The following OR7G3 variants were observed in gnomAD, a reference collection of about 807,000 sequenced individuals.
OR7G3 encodes olfactory receptor 7G3.
For missense variants in OR7G3, 352 were observed against 372.1 expected, an observed-to-expected ratio of 0.95 and a Z score of 0.44; for synonymous variants, 143 against 157.6, an observed-to-expected ratio of 0.91 and a Z score of 0.69.
chr19:9,126,514 A>T lies in OR7G3; in HGVS notation c.437T>A (p.Leu146Gln). Reference protein sequence around the residue: ...MNPKLCGLLLLLSFIVSVLDA... With the variant: ...MNPKLCGLLLQLSFIVSVLDA... Reference sequence around the variant, plus strand: ...CAGGACACTAACGATGAAGGACAGCAGAAGCAGCAGCCCACAGAGTTTGGG... The same window carrying T: ...CAGGACACTAACGATGAAGGACAGCTGAAGCAGCAGCCCACAGAGTTTGGG... The change falls in exon 1 of 1, where the codon CTG (leucine) becomes CAG (glutamine). Residue 146 changes from leucine to glutamine, a missense_variant. By Grantham distance (113) the Leu-to-Gln change is moderately radical. Transcript: ENST00000305444. 1 of 1,614,194 alleles carries T rather than the reference A, an allele frequency of 6.2e-7. No individual in the cohort carries two copies. The highest frequency in any genetic ancestry group is 1.1e-5 in the South Asian group (1 of 91,086).
chr19:9,126,873 G>C lies in OR7G3; in HGVS notation c.78C>G (p.Ile26Met), dbSNP rs760955234. The C allele has an allele frequency of 6.2e-7, 1 of 1,613,476 alleles. No homozygotes were observed. Among genetic ancestry groups the C allele is most frequent in the Non-Finnish European group, 8.5e-7 (1 of 1,179,632 alleles). ...ACATGGACAGGAACAGCATGAAGAG[G>C]ATGGGCTGCAGCTCCGGATCCCCTG... ...GLSGDPELQP[I>M]LFMLFLSMYL... The change falls in exon 1 of 1, where the codon ATC (isoleucine) becomes ATG (methionine). Residue 26 changes from isoleucine (I) to methionine (M), a missense_variant. Physicochemically the swap from Ile to Met is conservative, Grantham distance 10. Coordinates refer to ENST00000305444, the MANE Select transcript of OR7G3 (RefSeq NM_001001958.1).
In OR7G3 at chr19:9,126,560, TC is replaced by T; in HGVS notation, c.390del (p.Arg131GlyfsTer6). 2 of 1,614,100 alleles carry T rather than the reference TC, an allele frequency of 1.2e-6. No individual in the cohort carries two copies. Among genetic ancestry groups the T allele is most frequent in the Non-Finnish European group, 1.7e-6 (2 of 1,180,024 alleles). On this transcript the variant is annotated frameshift_variant, in exon 1 of 1. Coordinates refer to ENST00000305444, the MANE Select transcript of OR7G3 (RefSeq NM_001001958.1). LOFTEE classifies it low-confidence loss of function (END_TRUNC). Reference protein sequence around the residue: ...YDRFVAICHPLRYNVIMNPKL... With the variant: ...YDRFVAICHPXRYNVIMNPKL... ...TTGGGGTTCATGATGACATTGTACC[TC>T]AGTGGGTGACAGATGGCCACAAATC...
chr19:9,126,463 A>G lies in OR7G3; in HGVS notation c.488T>C (p.Val163Ala), dbSNP rs1478234162. ...GTCTATGCAGAAGGTCAGCTGTAGC[A>G]CCATCAACGTGTGCAGCAGAGCATC... ...VLDALLHTLMVLQLTFCIDLE... is the reference protein window; with the variant it reads ...VLDALLHTLMALQLTFCIDLE... The change falls in exon 1 of 1, where the codon GTG becomes GCG. Residue 163 changes from valine to alanine, a missense_variant. By Grantham distance (64) the Val-to-Ala change is moderately conservative. Coordinates refer to ENST00000305444, the MANE Select transcript of OR7G3 (RefSeq NM_001001958.1). The G allele has an allele frequency of 1.2e-6, 2 of 1,614,074 alleles. No homozygotes were observed. Among genetic ancestry groups the G allele is most frequent in the African/African-American group, 2.7e-5 (2 of 74,928 alleles).
In OR7G3 at chr19:9,126,888, C is replaced by T. The variant is rs149090812; in HGVS notation, c.63G>A (p.Pro21=). The T allele has an allele frequency of 5.0e-4, 806 of 1,611,286 alleles. 6 individuals carry two copies. The African/African-American group carries it at 9.5e-3, about 19-fold the overall frequency. ...GCATGAAGAGGATGGGCTGCAGCTCCGGATCCCCTGACAATCCCAAGAGAA... is the reference window on the plus strand; with the variant it reads ...GCATGAAGAGGATGGGCTGCAGCTCTGGATCCCCTGACAATCCCAAGAGAA... ...EFFLLGLSGD[P]ELQPILFMLF... Residue 21 remains proline (P), a synonymous_variant, in exon 1 of 1, where the codon CCG becomes CCA. Transcript: ENST00000305444.
In OR7G3 at chr19:9,126,086, T is replaced by C. The variant is rs1432244175; in HGVS notation, c.865A>G (p.Ile289Val). 2 of 1,613,946 alleles carry C rather than the reference T, an allele frequency of 1.2e-6. No individual in the cohort carries two copies. The highest frequency in any genetic ancestry group is 1.7e-6 in the Non-Finnish European group (2 of 1,179,890). Residue 289 changes from isoleucine to valine, a missense_variant, in exon 1 of 1, where the codon ATT (isoleucine) becomes GTT (valine). Physicochemically the swap from Ile to Val is conservative, Grantham distance 29. Transcript: ENST00000305444. ...ATGTCCTTGTTTCTCAGGCTGTAAA[T>C]GAGTGGGTTCAGCATGGGGGTGACC... is the stretch of plus-strand genomic sequence containing the variant. Reference protein sequence around the residue: ...TVVTPMLNPLIYSLRNKDMLK... With the variant: ...TVVTPMLNPLVYSLRNKDMLK...
chr19:9,126,312 C>A lies in OR7G3; in HGVS notation c.639G>T (p.Gly213=), dbSNP rs754973983. 5.6e-6 allele frequency: 9 copies of A among 1,614,100 alleles called. No homozygotes were observed. Among genetic ancestry groups the A allele is most frequent in the Middle Eastern group, 1.6e-4 (1 of 6,062 alleles). ...TSLLGVVPLS[G]IIFSYTRIVS... is the part of the protein sequence containing the mutation. ...CAATTCGTGTGTAAGAGAAAATGAT[C>A]CCAGAGAGAGGAACAACACCTAACA... The change falls in exon 1 of 1, where the codon GGG becomes GGT. Residue 213 remains glycine, a synonymous_variant. Transcript: ENST00000305444.
rs1395799896 is a variant in OR7G3, at chr19:9,126,488, C to G, written c.463G>C (p.Asp155His). Residue 155 changes from aspartate to histidine, a missense_variant, in exon 1 of 1, where the codon GAT (aspartate) becomes CAT (histidine). Physicochemically the swap from Asp to His is moderately conservative, Grantham distance 81 (BLOSUM62 -1). Coordinates refer to ENST00000305444, the MANE Select transcript of OR7G3 (RefSeq NM_001001958.1). ...ACCATCAACGTGTGCAGCAGAGCAT[C>G]CAGGACACTAACGATGAAGGACAGC... ...LLLSFIVSVL[D>H]ALLHTLMVLQ... 5 of 1,614,072 alleles carry G rather than the reference C, an allele frequency of 3.1e-6. No homozygotes were observed. Among genetic ancestry groups the G allele is most frequent in the Non-Finnish European group, 4.2e-6 (5 of 1,180,020 alleles).
In OR7G3 at chr19:9,126,357, CAGGATGTTATTGATG is replaced by C; in HGVS notation, c.579_593del (p.Ile194_Leu198del). 1 of 1,614,078 alleles carries C rather than the reference CAGGATGTTATTGATG, an allele frequency of 6.2e-7. No individual in the cohort carries two copies. The highest frequency in any genetic ancestry group is 1.1e-5 in the South Asian group (1 of 91,076). On this transcript the variant is annotated inframe_deletion, in exon 1 of 1. Transcript: ENST00000305444. ...CTAACAGGCTGGTCACCAAATACAC[CAGGATGTTATTGATG>C]AGGACATCAGAACAGGCGAGCTTGA...
rs779971052 is a variant in OR7G3, at chr19:9,126,450, G to A, written c.501C>T (p.Thr167=). 1 of 1,614,108 alleles carries A rather than the reference G, an allele frequency of 6.2e-7. No individual in the cohort carries two copies. The highest frequency in any genetic ancestry group is 1.1e-5 in the South Asian group (1 of 91,080). ...LLHTLMVLQL[T]FCIDLEIPHF... ...GGGGAATTTCCAGGTCTATGCAGAAGGTCAGCTGTAGCACCATCAACGTGT... is the reference window on the plus strand; with the variant it reads ...GGGGAATTTCCAGGTCTATGCAGAAAGTCAGCTGTAGCACCATCAACGTGT... Residue 167 remains threonine, a synonymous_variant, in exon 1 of 1, where the codon ACC becomes ACT. Coordinates refer to ENST00000305444, the MANE Select transcript of OR7G3 (RefSeq NM_001001958.1).
Position 9,126,288 on chromosome 19 carries a change from A to G in OR7G3, c.663T>C (p.Ile221=), listed in dbSNP as rs768009947. The G allele has an allele frequency of 1.9e-6, 3 of 1,614,096 alleles. No individual in the cohort carries two copies. Among genetic ancestry groups the G allele is most frequent in the South Asian group, 2.2e-5 (2 of 91,084 alleles). Residue 221 remains isoleucine (I), a synonymous_variant, in exon 1 of 1, where the codon ATT becomes ATC. Transcript: ENST00000305444. ...LSGIIFSYTR[I]VSSVMKIPSA... ...ATGGAATTTTCATGACAGAGGAGAC[A>G]ATTCGTGTGTAAGAGAAAATGATCC...
At position 9,126,132 on chromosome 19, in the gene OR7G3, T is replaced by C. The variant is rs767829142; in HGVS notation, c.819A>G (p.Ile273Met). 7 of 1,614,022 alleles carry C rather than the reference T, an allele frequency of 4.3e-6. No individual in the cohort carries two copies. The East Asian group carries it at 1.3e-4, about 31-fold the overall frequency. ...GATHSSRKGA[I>M]ASVMYTVVTP... ...TGACCACGGTATACATCACTGATGCTATTGCACCCTTCCTGGAGGAGTGGG... is the reference window on the plus strand; with the variant it reads ...TGACCACGGTATACATCACTGATGCCATTGCACCCTTCCTGGAGGAGTGGG... The change falls in exon 1 of 1, where the codon ATA (isoleucine) becomes ATG (methionine). Residue 273 changes from isoleucine to methionine, a missense_variant. By Grantham distance (10) the Ile-to-Met change is conservative. Coordinates refer to ENST00000305444, the MANE Select transcript of OR7G3 (RefSeq NM_001001958.1).
chr19:9,126,655 GT>G lies in OR7G3; in HGVS notation c.295del (p.Thr99ProfsTer19). 6.2e-7 allele frequency: 1 copy of G among 1,614,152 alleles called. No homozygotes were observed. Among genetic ancestry groups the G allele is most frequent in the Non-Finnish European group, 8.5e-7 (1 of 1,180,032 alleles). ...AAAAACCAGGACAAAGCAGATTTGG[GT>G]GAGGCAGCCTGTGTAATTGATGGAT... is the stretch of plus-strand genomic sequence containing the variant. The part of the protein sequence containing the change: ...AQSINYTGCL[T>X]QICFVLVFVG... On this transcript the variant is annotated frameshift_variant, in exon 1 of 1. Transcript: ENST00000305444. LOFTEE classifies it low-confidence loss of function (END_TRUNC).
chr19:9,126,923 G>A lies in OR7G3; in HGVS notation c.28C>T (p.Pro10Ser). ...GACAATCCCAAGAGAAAGAATTCTG[G>A]AGTGTCTGAGAAGTTTCCTGCTTTC... MKAGNFSDTPEFFLLGLSGD... is the reference protein window; with the variant it reads MKAGNFSDTSEFFLLGLSGD... Residue 10 changes from proline (P) to serine (S), a missense_variant, in exon 1 of 1, where the codon CCA becomes TCA. Transcript: ENST00000305444. The A allele has an allele frequency of 1.9e-6, 3 of 1,594,174 alleles. No homozygotes were observed. The highest frequency in any genetic ancestry group is 1.7e-4 in the Middle Eastern group (1 of 5,956).
rs750146830 is a variant in OR7G3, at chr19:9,126,774, C to T, written c.177G>A (p.Met59Ile). The T allele has an allele frequency of 1.2e-6, 2 of 1,613,790 alleles. No individual in the cohort carries two copies. The highest frequency in any genetic ancestry group is 1.7e-6 in the Non-Finnish European group (2 of 1,179,830). Residue 59 changes from methionine (M) to isoleucine (I), a missense_variant, in exon 1 of 1, where the codon ATG becomes ATA. By Grantham distance (10) the Met-to-Ile change is conservative (BLOSUM62 1). Transcript: ENST00000305444. ...AGGACAGGATAGAGAGGAGGAAGTA[C>T]ATGGGGGTGTGGAGGTGGGAGTCAG... The part of the protein sequence containing the change: ...VNSDSHLHTP[M>I]YFLLSILSLV...
In OR7G3 at chr19:9,126,485, C is replaced by G. The variant is rs762421293; in HGVS notation, c.466G>C (p.Ala156Pro). ...AGCACCATCAACGTGTGCAGCAGAGCATCCAGGACACTAACGATGAAGGAC... is the reference window on the plus strand; with the variant it reads ...AGCACCATCAACGTGTGCAGCAGAGGATCCAGGACACTAACGATGAAGGAC... Reference protein sequence around the residue: ...LLSFIVSVLDALLHTLMVLQL... With the variant: ...LLSFIVSVLDPLLHTLMVLQL... The change falls in exon 1 of 1, where the codon GCT becomes CCT. Residue 156 changes from alanine to proline, a missense_variant. By Grantham distance (27) the Ala-to-Pro change is conservative. Coordinates refer to ENST00000305444, the MANE Select transcript of OR7G3 (RefSeq NM_001001958.1). 3.7e-6 allele frequency: 6 copies of G among 1,614,010 alleles called. No individual in the cohort carries two copies. The East Asian group carries it at 1.3e-4, about 36-fold the overall frequency.
chr19:9,126,729 G>A lies in OR7G3; in HGVS notation c.222C>T (p.Thr74=). 6.2e-7 allele frequency: 1 copy of A among 1,613,942 alleles called. No homozygotes were observed. The highest frequency in any genetic ancestry group is 8.5e-7 in the Non-Finnish European group (1 of 1,179,874). ...SILSLVDICF[T]STTMPKMLVN... is the part of the protein sequence containing the mutation. ...CCAGCATCTTGGGCATCGTGGTGGA[G>A]GTGAAACAGATGTCGACCAAGGACA... The change falls in exon 1 of 1, where the codon ACC becomes ACT. Residue 74 remains threonine, a synonymous_variant. Coordinates refer to ENST00000305444, the MANE Select transcript of OR7G3 (RefSeq NM_001001958.1).
rs893460474 is a variant in OR7G3 at position 9,126,696 on chromosome 19, G to C, written c.255C>G (p.Ile85Met). ...AATTGATGGATTGAGCCTGTGCCTGGATGTTCACCAGCATCTTGGGCATCG... is the reference window on the plus strand; with the variant it reads ...AATTGATGGATTGAGCCTGTGCCTGCATGTTCACCAGCATCTTGGGCATCG... ...STTMPKMLVNIQAQAQSINYT... is the reference protein window; with the variant it reads ...STTMPKMLVNMQAQAQSINYT... Residue 85 changes from isoleucine to methionine, a missense_variant, in exon 1 of 1, where the codon ATC becomes ATG. Ile to Met is a conservative substitution (Grantham distance 10, BLOSUM62 1). Coordinates refer to ENST00000305444, the MANE Select transcript of OR7G3 (RefSeq NM_001001958.1). The C allele has an allele frequency of 6.2e-7, 1 of 1,614,146 alleles. No individual in the cohort carries two copies. The highest frequency in any genetic ancestry group is 8.5e-7 in the Non-Finnish European group (1 of 1,180,022).
chr19:9,126,128 A>G lies in OR7G3; in HGVS notation c.823T>C (p.Ser275Pro). The G allele has an allele frequency of 6.2e-7, 1 of 1,614,178 alleles. No individual in the cohort carries two copies. The highest frequency in any genetic ancestry group is 8.5e-7 in the Non-Finnish European group (1 of 1,180,028). Residue 275 changes from serine to proline, a missense_variant, in exon 1 of 1, where the codon TCA becomes CCA. Ser to Pro is a moderately conservative substitution (Grantham distance 74, BLOSUM62 -1). Coordinates refer to ENST00000305444, the MANE Select transcript of OR7G3 (RefSeq NM_001001958.1). ...GGGGTGACCACGGTATACATCACTGATGCTATTGCACCCTTCCTGGAGGAG... is the reference window on the plus strand; with the variant it reads ...GGGGTGACCACGGTATACATCACTGGTGCTATTGCACCCTTCCTGGAGGAG... ...THSSRKGAIA[S>P]VMYTVVTPML...
rs1168334307 is a variant in OR7G3 at position 9,126,707 on chromosome 19, G to C, written c.244C>G (p.Leu82Val). 1 of 1,614,140 alleles carries C rather than the reference G, an allele frequency of 6.2e-7. No individual in the cohort carries two copies. Among genetic ancestry groups the C allele is most frequent in the African/African-American group, 1.3e-5 (1 of 75,030 alleles). ...TGAGCCTGTGCCTGGATGTTCACCA[G>C]CATCTTGGGCATCGTGGTGGAGGTG... Reference protein sequence around the residue: ...CFTSTTMPKMLVNIQAQAQSI... With the variant: ...CFTSTTMPKMVVNIQAQAQSI... The change falls in exon 1 of 1, where the codon CTG becomes GTG. Residue 82 changes from leucine to valine, a missense_variant. Transcript: ENST00000305444.
Sources: allele counts gnomAD v4.1 joint callset, GRCh38; gene constraint gnomAD v4.1.1; transcripts MANE v1.5; gene names NCBI Gene and HGNC (gene_info 2026-07-23, HGNC 2026-07-21).